The following PCSK5 variants were observed in gnomAD, a reference collection of about 807,000 sequenced individuals.
PCSK5 encodes prohormone convertase 5.
Under a neutral mutation model 233.2 loss-of-function variants are expected in PCSK5, and 129 were observed. The observed-to-expected ratio is 0.55, with a 90% CI of 0.48 to 0.64. The LOEUF (loss-of-function observed/expected upper bound fraction) is 0.64. PCSK5 is among the 30% of genes least tolerant of loss of function. The pLI, the probability that PCSK5 is intolerant of heterozygous loss-of-function variation, is 0.00. For missense variants in PCSK5, 2,076 were observed against 2,430.1 expected (o/e 0.85, Z 3.06); for synonymous variants, 825 against 879.2 (o/e 0.94, Z 1.09).
At chr9:76,309,137 G>T (rs145838967) in intron 29 of PCSK5, among the ~76,000 whole-genome samples, 81 of 152,188 alleles carry the variant, frequency 5.3e-4, no homozygotes, top group African/African-American at 2.0e-3. Context: ...AGCATTGCTT[G>T]GTCCCAGGAG....
At chr9:75,896,739 T>A (rs1383400153) in intron 1 of PCSK5, among the ~76,000 whole-genome samples, 1 of 152,188 alleles carries the variant, frequency 6.6e-6, no homozygotes, top group Admixed American at 6.5e-5. Context: ...TACTTATATA[T>A]GATATATACA....
intron 5 of PCSK5, among the ~76,000 whole-genome samples, chr9:76,057,081 G>T (rs1164400162): frequency 6.6e-6 from 1 of 151,994 alleles, no homozygotes; most frequent in Admixed American, 6.6e-5. Context: ...TGTTTTTCTG[G>T]AGTAAAATCT....
Position 76,063,128 on chromosome 9 carries a change from T to A in PCSK5, c.633-4827T>A, listed in dbSNP as rs1281704368. Among the ~76,000 whole-genome samples the A allele has an allele frequency of 2.0e-5, 3 of 149,224 alleles. No individual in the cohort carries two copies. In the East Asian group the frequency reaches 5.8e-4, roughly 29 times the overall value. On this transcript the variant is annotated intron_variant, in intron 5 of 37. Transcript: ENST00000674117. ...CATGCTGAGAATGTCAGGATTTAAT[T>A]TTTTTTTCTTTTTTTTTTCTTTTTG...
chr9:76,322,960 C>T, intron 31 of PCSK5, 92 bp from the exon 32 acceptor site: 2 of 709,946 alleles, frequency 2.8e-6, no homozygotes, highest in Non-Finnish European at 4.8e-6. Flanking sequence ...TCAAATCAAC[C>T]AAAGTGCTGA....
chr9:76,181,186 T>C (rs1823855248), intron 15 of PCSK5, among the ~76,000 whole-genome samples: 1 of 152,254 alleles, frequency 6.6e-6, no homozygotes, highest in Non-Finnish European at 1.5e-5. Context: ...AAGTCCTTGG[T>C]AGATTTGGTG....
chr9:76,292,070 G>A (rs142245429), intron 24 of PCSK5, among the ~76,000 whole-genome samples, 163 bp from the exon 25 acceptor site: 233 of 152,230 alleles, frequency 1.5e-3, no homozygotes, highest in African/African-American at 5.0e-3. Flanking sequence ...ACATCTTGTT[G>A]CTAATTAAAA....
intron 9 of PCSK5, among the ~76,000 whole-genome samples, chr9:76,117,752 G>A (rs12352177): frequency 6.6e-6 from 1 of 152,126 alleles, no homozygotes; most frequent in Non-Finnish European, 1.5e-5. Flanking sequence ...CATCTAGTCA[G>A]CAAGAATGCA....
rs1034088457 is a variant in PCSK5 at position 76,290,763 on chromosome 9, C to T, written c.3143-1470C>T. On this transcript the variant is annotated intron_variant, in intron 24 of 37. Transcript: ENST00000674117. ...AAATATCTTTGGTCTCTTGCAATTA[C>T]TCAACTCTGGTTATATAGCATGAAA... Among the ~76,000 whole-genome samples the T allele has an allele frequency of 5.9e-5, 9 of 152,196 alleles. No individual in the cohort carries two copies. In the East Asian group the frequency reaches 1.5e-3, roughly 26 times the overall value.
At chr9:76,186,694 G>A (rs537166115) in intron 17 of PCSK5, among the ~76,000 whole-genome samples, 2 of 152,064 alleles carry the variant, frequency 1.3e-5, no homozygotes, top group South Asian at 4.2e-4. Context: ...ACCTCACAAG[G>A]AAGTGCTGTC....
At chr9:76,208,071 C>G (rs1825192506) in intron 20 of PCSK5, among the ~76,000 whole-genome samples, 1 of 152,144 alleles carries the variant, frequency 6.6e-6, no homozygotes, top group Non-Finnish European at 1.5e-5. Flanking sequence ...GGAGCCCTCT[C>G]TCACCGTAAC....
At chr9:76,292,579 C>T (rs1828311542) in intron 25 of PCSK5, among the ~76,000 whole-genome samples, 1 of 152,136 alleles carries the variant, frequency 6.6e-6, no homozygotes, top group Non-Finnish European at 1.5e-5. Context: ...AATAATATAC[C>T]TGGTCCTAAG....
At chr9:76,265,969 G>A (rs1162010545) in intron 24 of PCSK5, among the ~76,000 whole-genome samples, 2 of 152,094 alleles carry the variant, frequency 1.3e-5, no homozygotes, top group East Asian at 3.8e-4. Context: ...AGCTCTTGGT[G>A]CCCATTTAAA....
At chr9:76,301,800 C>T (rs1229241422) in intron 27 of PCSK5, among the ~76,000 whole-genome samples, 2 of 151,844 alleles carry the variant, frequency 1.3e-5, no homozygotes, top group African/African-American at 2.4e-5. Context: ...GCTGAGATGG[C>T]GCCACCGCAC....
At chr9:75,934,169 C>CTGCCACCCAG (rs1217473166) in intron 2 of PCSK5, among the ~76,000 whole-genome samples, 1 of 147,504 alleles carries the variant, frequency 6.8e-6, no homozygotes, top group Non-Finnish European at 1.5e-5. Flanking sequence ...AGAGTGGGGC[C>CTGCCACCCAG]ATTGCAGGCC....
rs570868745 is a variant in PCSK5, at chr9:76,158,255, C to T, written c.1431-728C>T. Among the ~76,000 whole-genome samples the T allele has an allele frequency of 4.6e-5, 7 of 152,146 alleles. No homozygotes were observed. In the South Asian group the frequency reaches 1.0e-3, roughly 23 times the overall value. ...AGGGGACATATTTTCACCTGTGGCTCGATGAAGGTCTCAGGGAGGGGAAAT... is the reference window on the plus strand; with the variant it reads ...AGGGGACATATTTTCACCTGTGGCTTGATGAAGGTCTCAGGGAGGGGAAAT... On this transcript the variant is annotated intron_variant, in intron 11 of 37. Coordinates refer to ENST00000674117, the MANE Select transcript of PCSK5 (RefSeq NM_001372043.1).
At chr9:76,027,334 CA>C (rs1425589663) in intron 5 of PCSK5, among the ~76,000 whole-genome samples, 1 of 151,976 alleles carries the variant, frequency 6.6e-6, no homozygotes, top group Non-Finnish European at 1.5e-5. Flanking sequence ...TGTTTAGGGA[CA>C]GGGGTGGTGA....
rs190161411 is a variant in PCSK5 at position 76,347,588 on chromosome 9, C to T, written c.4967-3240C>T. Among the ~76,000 whole-genome samples, 637 of 152,080 alleles carry T rather than the reference C, an allele frequency of 4.2e-3. 3 individuals carry two copies. The highest frequency in any genetic ancestry group is 7.3e-3 in the Non-Finnish European group (499 of 67,990). On this transcript the variant is annotated intron_variant, in intron 35 of 37. Transcript: ENST00000674117. ...CCTCAGACAATTTATTGTTGGTCTT[C>T]TAGAAAATGTAACCAAACTTGGCCA...
At position 75,976,387 on chromosome 9, in the gene PCSK5, G is replaced by T. The variant is rs56870336; in HGVS notation, c.298-9745G>T. Among the ~76,000 whole-genome samples the T allele has an allele frequency of 5.4e-3, 815 of 151,234 alleles. 6 individuals are homozygous for T. Among genetic ancestry groups the T allele is most frequent in the African/African-American group, 0.018 (741 of 41,082 alleles). On this transcript the variant is annotated intron_variant, in intron 2 of 37. Transcript: ENST00000674117. ...CTAAGTTCTTTTTACCCTCTAGAAA[G>T]CATCTTGGCATGGCTAGGAATAAGG... is the stretch of plus-strand genomic sequence containing the variant.
rs12349590 is a variant in PCSK5, at chr9:75,990,606, G to A, written c.411+4361G>A. On this transcript the variant is annotated intron_variant, in intron 3 of 37. Transcript: ENST00000674117. ...TTATTTGCTAGACATGATGCTAAGC[G>A]CTGAGAGTTTAGAAAAACATGATTT... Among the ~76,000 whole-genome samples the A allele has an allele frequency of 9.8e-3, 1,487 of 152,276 alleles. 34 individuals are homozygous for A. Among genetic ancestry groups the A allele is most frequent in the African/African-American group, 0.034 (1,425 of 41,544 alleles).
Sources: allele counts gnomAD v4.1 joint callset (sites outside exome capture counted in the v4.1 genomes callset), GRCh38; gene constraint gnomAD v4.1.1; transcripts MANE v1.5; gene names NCBI Gene and HGNC (gene_info 2026-07-23, HGNC 2026-07-21).